NRXN1: variants seen among roughly 807,000 people sequenced by gnomAD.
The protein encoded by NRXN1 is neurexin 1.
A neutral mutation model predicts 150.9 loss-of-function variants in NRXN1; 39 were observed. That is an observed-to-expected ratio of 0.26 (90% CI 0.20 to 0.34). NRXN1 has a LOEUF of 0.34. Among genes scored for constraint, NRXN1 ranks in the 10% least tolerant of loss-of-function variants. NRXN1 has a pLI of 1.00. For synonymous variants in NRXN1, 924 were observed against 757.0 expected, an observed-to-expected ratio of 1.22 and a Z score of -3.62; for missense variants, 1,815 against 1,949.9, an observed-to-expected ratio of 0.93 and a Z score of 1.30.
intron 5 of NRXN1, among the ~76,000 whole-genome samples, chr2:50,778,755 A>T (rs143527235): frequency 1.3e-5 from 2 of 152,168 alleles, no homozygotes; most frequent in East Asian, 3.9e-4. Context: ...CCAAATGTGC[A>T]TATGTTTGTG....
intron 12 of NRXN1, among the ~76,000 whole-genome samples, chr2:50,507,995 A>AG (rs2092310736): frequency 6.6e-6 from 1 of 151,894 alleles, no homozygotes; most frequent in African/African-American, 2.4e-5. Context: ...GAGAAGAAGA[A>AG]AAAAAAAGAG....
At chr2:50,381,531 AC>A (rs1448020178) in intron 17 of NRXN1, among the ~76,000 whole-genome samples, 2 of 106,152 alleles carry the variant, frequency 1.9e-5, no homozygotes, top group Non-Finnish European at 3.6e-5. Context: ...AAACACACAC[AC>A]ACACACACAC....
intron 2 of NRXN1, among the ~76,000 whole-genome samples, chr2:50,933,403 C>G (rs921635846): frequency 1.3e-5 from 2 of 152,080 alleles, no homozygotes; most frequent in Non-Finnish European, 2.9e-5. Context: ...TTTCATTCCC[C>G]TTACATACTC....
rs530193167 is a variant in NRXN1, at chr2:50,394,819, G to C, written c.3364+70623C>G. Among the ~76,000 whole-genome samples, 6 of 151,988 alleles carry C rather than the reference G, an allele frequency of 3.9e-5. No homozygotes were observed. In the South Asian group the frequency reaches 1.3e-3, roughly 32 times the overall value. On this transcript the variant is annotated intron_variant, in intron 17 of 22. Transcript: ENST00000401669. ...TGAGAAGGCATCTGGCCTCCTTCCT[G>C]CTCTTCCTGGCCTCCTACTCTTTTT...
intron 17 of NRXN1, among the ~76,000 whole-genome samples, chr2:50,376,469 C>T (rs1004315507): frequency 6.6e-6 from 1 of 151,916 alleles, no homozygotes; most frequent in African/African-American, 2.4e-5. Context: ...CATGGATATA[C>T]TCAAACATTG....
intron 17 of NRXN1, among the ~76,000 whole-genome samples, chr2:50,307,270 C>T (rs2074712650): frequency 6.6e-6 from 1 of 152,330 alleles, no homozygotes; most frequent in Non-Finnish European, 1.5e-5. Context: ...GTGTGAGCCA[C>T]TGCACCCGGC....
At chr2:50,978,087 T>A (rs1231627549) in intron 2 of NRXN1, among the ~76,000 whole-genome samples, 1 of 151,094 alleles carries the variant, frequency 6.6e-6, no homozygotes, top group East Asian at 2.0e-4. Flanking sequence ...ACTACAGTGA[T>A]CTATACATTT....
chr2:50,678,042 A>G (rs1019946010), intron 5 of NRXN1, among the ~76,000 whole-genome samples: 6 of 152,176 alleles, frequency 3.9e-5, no homozygotes, highest in Admixed American at 2.6e-4. Flanking sequence ...AAAAATATCA[A>G]TTGGGTAAGG....
intron 8 of NRXN1, among the ~76,000 whole-genome samples, chr2:50,562,917 A>G (rs949203749): frequency 1.2e-4 from 18 of 152,120 alleles, no homozygotes; most frequent in Non-Finnish European, 1.6e-4. Context: ...CTTCCAATCA[A>G]CCAACCCATT....
chr2:50,237,056 G>T, intron 17 of NRXN1, 86 bp from the exon 18 acceptor site: 1 of 1,268,940 alleles, frequency 7.9e-7, no homozygotes, highest in Non-Finnish European at 1.1e-6. Flanking sequence ...TATCAGTAAA[G>T]TATCAACTCT....
Position 51,028,287 on chromosome 2 carries a change from G to A in NRXN1, c.-14C>T, listed in dbSNP as rs1373993303. The A allele has an allele frequency of 1.4e-6, 2 of 1,429,022 alleles. No individual in the cohort carries two copies. The highest frequency in any genetic ancestry group is 1.8e-6 in the Non-Finnish European group (2 of 1,095,926). The allele number at this position is 1,429,022 out of a possible 1,614,324, so 88.5% of individuals were successfully genotyped here. On this transcript the variant is annotated 5_prime_UTR_variant, in exon 2 of 23. Transcript: ENST00000401669. ...CGCCGTCCCCATGCTCGGGGCTGGG[G>A]TGCGGCGGGGGGGTGCCGGGGCCGA...
chr2:50,915,329 CAA>C (rs1353083485), intron 5 of NRXN1, among the ~76,000 whole-genome samples: 1 of 151,396 alleles, frequency 6.6e-6, no homozygotes, highest in Non-Finnish European at 1.5e-5. Context: ...CATTAATTTA[CAA>C]AAAAAGTTTC....
In NRXN1 at chr2:50,346,843, A is replaced by C; in HGVS notation, c.3365-109873T>G. On this transcript the variant is annotated intron_variant, in intron 17 of 22. Transcript: ENST00000401669. The surrounding 1 kb of genome is among the most constrained non-coding windows in gnomAD (Gnocchi z 5.0). Reference sequence around the variant, plus strand: ...GAGGCCGCTGAGGGTGAGCGGGACTATCCAAAGCAGGGCCAGGCGCCCCCC... The same window carrying C: ...GAGGCCGCTGAGGGTGAGCGGGACTCTCCAAAGCAGGGCCAGGCGCCCCCC... 6.2e-7 allele frequency: 1 copy of C among 1,602,340 alleles called. No individual in the cohort carries two copies. Among genetic ancestry groups the C allele is most frequent in the Non-Finnish European group, 8.5e-7 (1 of 1,174,752 alleles).
intron 21 of NRXN1, among the ~76,000 whole-genome samples, chr2:50,033,979 A>AC (rs1558736964): frequency 1.3e-5 from 2 of 151,802 alleles, no homozygotes; most frequent in Non-Finnish European, 2.9e-5. Flanking sequence ...GAAAAAAAAA[A>AC]AAAAAACAAA....
intron 17 of NRXN1, among the ~76,000 whole-genome samples, chr2:50,397,596 C>T (rs2082131076): frequency 6.6e-6 from 1 of 152,012 alleles, no homozygotes; most frequent in Admixed American, 6.6e-5. Context: ...AGGACACAAG[C>T]TCCTAATGTT....
chr2:50,400,788 A>G (rs960396514), intron 17 of NRXN1, among the ~76,000 whole-genome samples: 1 of 152,228 alleles, frequency 6.6e-6, no homozygotes, highest in African/African-American at 2.4e-5. Context: ...TTTGCATTCA[A>G]GAAGTGTATG....
intron 5 of NRXN1, among the ~76,000 whole-genome samples, chr2:50,746,649 A>G (rs1417190549): frequency 6.6e-6 from 1 of 152,038 alleles, no homozygotes; most frequent in Non-Finnish European, 1.5e-5. Flanking sequence ...TTGAAACACA[A>G]TCCACTCAGA....
Position 51,028,061 on chromosome 2 carries a change from G to A in NRXN1, c.213C>T (p.Asp71=), listed in dbSNP as rs934535902. ...RSARGLVLYF[D]DEGFCDFLEL... ...CCAGGAAGTCGCAGAAGCCCTCGTC[G>A]TCGAAGTAGAGCACGAGGCCGCGGG... is the stretch of plus-strand genomic sequence containing the variant. The change falls in exon 2 of 23, where the codon GAC becomes GAT. Residue 71 remains aspartate (D), a synonymous_variant. Coordinates refer to ENST00000401669, the MANE Select transcript of NRXN1 (RefSeq NM_001330078.2). The A allele has an allele frequency of 3.1e-6, 5 of 1,597,852 alleles. No homozygotes were observed. The highest frequency in any genetic ancestry group is 4.3e-6 in the Non-Finnish European group (5 of 1,176,058).
At chr2:50,537,068 T>A (rs529291588) in intron 10 of NRXN1, among the ~76,000 whole-genome samples, 1 of 152,304 alleles carries the variant, frequency 6.6e-6, no homozygotes, top group African/African-American at 2.4e-5. Flanking sequence ...ATCTCAGAAC[T>A]AATAAGTTGA....
Sources: gnomAD v4.1 joint callset for allele counts (sites outside exome capture counted in the v4.1 genomes callset) on GRCh38, gnomAD v4.1.1 for gene constraint, Gnocchi (gnomAD v3.1) non-coding constraint, MANE v1.5 for transcripts, NCBI Gene and HGNC (gene_info 2026-07-23, HGNC 2026-07-21) for gene names.